The following SLC35F1 variants were observed in gnomAD, a reference collection of about 807,000 sequenced individuals.
SLC35F1 encodes the protein chromosome 6 open reading frame 169.
SLC35F1 carries 14 observed loss-of-function variants against 48.7 expected under a neutral mutation model. The observed-to-expected ratio is 0.29, with a 90% CI of 0.19 to 0.45. The LOEUF (loss-of-function observed/expected upper bound fraction) is 0.45. Among genes scored for constraint, SLC35F1 ranks in the 20% least tolerant of loss-of-function variants. SLC35F1 has a pLI of 1.00. For missense variants in SLC35F1, 404 were observed against 500.0 expected, an observed-to-expected ratio of 0.81 and a Z score of 1.83; for synonymous variants, 190 against 202.2, an observed-to-expected ratio of 0.94 and a Z score of 0.51.
chr6:118,258,262 T>A (rs1562341915), intron 3 of SLC35F1, among the ~76,000 whole-genome samples: 3 of 152,172 alleles, frequency 2.0e-5, no homozygotes, highest in Admixed American at 2.0e-4. Flanking sequence ...AAGTGCTATG[T>A]GACTATCTAA....
chr6:118,194,648 T>C (rs1432850022), intron 2 of SLC35F1, among the ~76,000 whole-genome samples: 1 of 152,184 alleles, frequency 6.6e-6, no homozygotes, highest in Non-Finnish European at 1.5e-5. Flanking sequence ...TTGCTACAGC[T>C]TAAGACTAGC....
intron 7 of SLC35F1, among the ~76,000 whole-genome samples, chr6:118,312,603 G>A (rs902745189): frequency 1.3e-5 from 2 of 152,132 alleles, no homozygotes; most frequent in African/African-American, 4.8e-5. Context: ...AGGGTGTGGA[G>A]TGCTCTAGAA....
At chr6:118,217,428 C>A (rs1433298568) in intron 2 of SLC35F1, among the ~76,000 whole-genome samples, 2 of 152,046 alleles carry the variant, frequency 1.3e-5, no homozygotes, top group East Asian at 3.9e-4. Flanking sequence ...CTAGAATCAT[C>A]AAATTCATAG....
chr6:118,100,921 C>A (rs1162410372), intron 1 of SLC35F1, among the ~76,000 whole-genome samples: 1 of 152,096 alleles, frequency 6.6e-6, no homozygotes, highest in Non-Finnish European at 1.5e-5. Context: ...CAGGGCCCCA[C>A]CATGAATAAC....
rs571837965 is a variant in SLC35F1 at position 118,083,600 on chromosome 6, C to T, written c.174-70845C>T. 3.9e-5 allele frequency among the ~76,000 whole-genome samples: 6 copies of T among 152,150 alleles called. No homozygotes were observed. The East Asian group carries it at 1.2e-3, about 29-fold the overall frequency. On this transcript the variant is annotated intron_variant, in intron 1 of 7. Coordinates refer to ENST00000360388, the MANE Select transcript of SLC35F1 (RefSeq NM_001029858.4). ...CTTTTTTACTAAATCCAGTGATGCT[C>T]TCATGTCACTATTATGAAGTCAAGG...
chr6:118,039,795 G>GT (rs1772184662), intron 1 of SLC35F1, among the ~76,000 whole-genome samples: 2 of 77,062 alleles, frequency 2.6e-5, no homozygotes, highest in African/African-American at 7.9e-5. Flanking sequence ...AGCATCTCAG[G>GT]ATTGTTTTTT....
chr6:118,025,852 C>T (rs989220062), intron 1 of SLC35F1, among the ~76,000 whole-genome samples: 1 of 152,124 alleles, frequency 6.6e-6, no homozygotes, highest in Non-Finnish European at 1.5e-5. Flanking sequence ...TTATATTTAA[C>T]ATAAATCTAT....
chr6:118,088,503 C>G (rs1274059096), intron 1 of SLC35F1, among the ~76,000 whole-genome samples: 1 of 152,158 alleles, frequency 6.6e-6, no homozygotes, highest in East Asian at 1.9e-4. Context: ...TATCTCTCAG[C>G]CTTTTTCCTC....
chr6:118,129,190 A>G (rs949298978), intron 1 of SLC35F1, among the ~76,000 whole-genome samples: 1 of 152,184 alleles, frequency 6.6e-6, no homozygotes, highest in African/African-American at 2.4e-5. Context: ...ATGGATTGAG[A>G]TTGGGCCTTA....
At chr6:118,290,050 G>A (rs1455000141) in intron 7 of SLC35F1, among the ~76,000 whole-genome samples, 2 of 152,160 alleles carry the variant, frequency 1.3e-5, no homozygotes, top group African/African-American at 4.8e-5. Context: ...CATCCACCCA[G>A]TAGTGAGAAT....
At chr6:118,033,387 G>A (rs565102315) in intron 1 of SLC35F1, among the ~76,000 whole-genome samples, 22 of 152,152 alleles carry the variant, frequency 1.4e-4, no homozygotes, top group Non-Finnish European at 2.8e-4. Context: ...CTTGGATTTG[G>A]AGATTTTTAC....
At chr6:118,071,640 C>A (rs760492555) in intron 1 of SLC35F1, among the ~76,000 whole-genome samples, 3 of 152,256 alleles carry the variant, frequency 2.0e-5, no homozygotes, top group East Asian at 1.9e-4. Flanking sequence ...TTCCAGGACT[C>A]CTTTCATGGC....
intron 1 of SLC35F1, among the ~76,000 whole-genome samples, chr6:118,005,895 C>T (rs1457005336): frequency 6.6e-6 from 1 of 152,160 alleles, no homozygotes; most frequent in African/African-American, 2.4e-5. Flanking sequence ...TCACTTACTG[C>T]TTCTACAACT....
intron 1 of SLC35F1, among the ~76,000 whole-genome samples, chr6:118,089,718 A>G (rs1438136662): frequency 2.6e-5 from 4 of 152,142 alleles, no homozygotes; most frequent in African/African-American, 9.7e-5. Context: ...TCATGCCTTT[A>G]TTGTCAGCAA....
chr6:118,017,811 G>C (rs1267626999), intron 1 of SLC35F1, among the ~76,000 whole-genome samples: 1 of 152,166 alleles, frequency 6.6e-6, no homozygotes, highest in Non-Finnish European at 1.5e-5. Context: ...ATGGCAAGTT[G>C]ATATAAGATC....
chr6:118,036,534 T>A (rs150423317), intron 1 of SLC35F1, among the ~76,000 whole-genome samples: 16 of 152,296 alleles, frequency 1.1e-4, no homozygotes, highest in Admixed American at 6.5e-4. Context: ...TGGTTGATAG[T>A]GTTCTTCAGA....
chr6:118,030,164 C>A (rs889968057), intron 1 of SLC35F1, among the ~76,000 whole-genome samples: 1 of 152,140 alleles, frequency 6.6e-6, no homozygotes, highest in Non-Finnish European at 1.5e-5. Flanking sequence ...TGCAAAGTTG[C>A]TGGTTAGAGC....
intron 1 of SLC35F1, among the ~76,000 whole-genome samples, chr6:118,040,515 G>C (rs1400767025): frequency 1.3e-5 from 2 of 152,170 alleles, no homozygotes; most frequent in Admixed American, 6.5e-5. Flanking sequence ...ACAAAACAGT[G>C]ATAGGATAGC....
In SLC35F1 at chr6:118,188,906, T is replaced by G. The variant is rs566561395; in HGVS notation, c.349+34286T>G. Among the ~76,000 whole-genome samples, 157 of 152,238 alleles carry G rather than the reference T, an allele frequency of 1.0e-3. 1 individual carries two copies. The highest frequency in any genetic ancestry group is 2.0e-3 in the Non-Finnish European group (133 of 68,004). On this transcript the variant is annotated intron_variant, in intron 2 of 7. Coordinates refer to ENST00000360388, the MANE Select transcript of SLC35F1 (RefSeq NM_001029858.4). ...GAGGAAGTTTCATAACCTGCACTGA[T>G]TGACATTTTTGTTTGTTTGTTTTTT... is the stretch of plus-strand genomic sequence containing the variant.
Sources: allele counts gnomAD v4.1 joint callset (sites outside exome capture counted in the v4.1 genomes callset), GRCh38; gene constraint gnomAD v4.1.1; transcripts MANE v1.5; gene names NCBI Gene and HGNC (gene_info 2026-07-23, HGNC 2026-07-21).